Variants in TSC2 observed in about 807,000 individuals in gnomAD.
TSC2 encodes tuberin.
TSC2 carries 29 observed loss-of-function variants against 202.2 expected under a neutral mutation model. The ratio of observed to expected loss-of-function variants is 0.14; its 90% CI spans 0.11 to 0.20. The LOEUF is 0.20. TSC2 is among the 10% of genes least tolerant of loss of function. The pLI, the probability that TSC2 is intolerant of heterozygous loss-of-function variation, is 1.00. For missense variants in TSC2, 2,429 were observed against 2,420.0 expected (o/e 1.00, Z -0.08); for synonymous variants, 1,349 against 1,044.0 (o/e 1.29, Z -5.63).
At chr16:2,071,646 G>A (rs1596343110) in intron 18 of TSC2, 30 bp downstream of exon 18, 3 of 1,612,284 alleles carry the variant, frequency 1.9e-6, no homozygotes, top group Non-Finnish European at 1.7e-6. Flanking sequence ...CGGCCCATGA[G>A]GCTCAGGGCG....
intron 35 of TSC2, 64 bp downstream of exon 35, chr16:2,085,090 C>T: frequency 6.2e-7 from 1 of 1,606,170 alleles, no homozygotes; most frequent in Non-Finnish European, 8.5e-7. Context: ...TGGTGGGGGG[C>T]CCAGCTCTGC....
In TSC2 at chr16:2,056,682, C is replaced by T. The variant is rs1555498802; in HGVS notation, c.687C>T (p.Asn229=). The stretch of plus-strand genomic sequence containing the variant: ...TGCTGGACGCCGTGGTCTGCTACAA[C>T]TGCCTGCCGGCTGAGAGCCTCCCGC... ...LQVLDAVVCY[N]CLPAESLPLF... is the part of the protein sequence containing the mutation. The change falls in exon 8 of 42, where the codon AAC becomes AAT. Residue 229 remains asparagine, a synonymous_variant. Transcript: ENST00000219476. 1 of 1,612,514 alleles carries T rather than the reference C, an allele frequency of 6.2e-7. No individual in the cohort carries two copies. The highest frequency in any genetic ancestry group is 8.5e-7 in the Non-Finnish European group (1 of 1,180,032).
At chr16:2,070,733 A>G (rs2088186085) in intron 17 of TSC2, among the ~76,000 whole-genome samples, 155 bp downstream of exon 17, 1 of 152,282 alleles carries the variant, frequency 6.6e-6, no homozygotes, top group Admixed American at 6.5e-5. Context: ...CAGCCTCCCC[A>G]GTCCTGGTGT....
In TSC2 at chr16:2,083,826, G is replaced by A; in HGVS notation, c.4005+10G>A. On this transcript the variant is annotated intron_variant, in intron 33 of 41. Coordinates refer to ENST00000219476, the MANE Select transcript of TSC2 (RefSeq NM_000548.5). ...GGATGCCTACAGCAGGGTGAGTGTG[G>A]CTCAGAGCCTGGACCCTGCTGACCT... is the stretch of plus-strand genomic sequence containing the variant. 3 of 1,609,410 alleles carry A rather than the reference G, an allele frequency of 1.9e-6. No individual in the cohort carries two copies. Among genetic ancestry groups the A allele is most frequent in the Non-Finnish European group, 2.5e-6 (3 of 1,179,074 alleles).
At chr16:2,050,598 C>CAT (rs2084982580) in intron 3 of TSC2, 112 bp downstream of exon 3, 1 of 477,016 alleles carries the variant, frequency 2.1e-6, no homozygotes, top group Non-Finnish European at 3.6e-6. Flanking sequence ...CTGGTTTGCA[C>CAT]TTTTTTTTTT....
At chr16:2,050,598 C>A in intron 3 of TSC2, 112 bp downstream of exon 3, 156 of 476,972 alleles carry the variant, frequency 3.3e-4, no homozygotes, top group Non-Finnish European at 5.1e-4. Flanking sequence ...CTGGTTTGCA[C>A]TTTTTTTTTT....
intron 11 of TSC2, chr16:2,061,093 C>T (rs755506228): frequency 5.0e-5 from 24 of 480,030 alleles, no homozygotes; most frequent in Non-Finnish European, 8.8e-5. Context: ...ACCTGCAGGC[C>T]GCCTTCGTGG....
rs950019532 is a variant in TSC2, at chr16:2,077,548, C to T, written c.2838-50C>T. The T allele has an allele frequency of 5.0e-6, 8 of 1,610,822 alleles. No individual in the cohort carries two copies. In the African/African-American group the frequency reaches 9.3e-5, roughly 19 times the overall value. The stretch of plus-strand genomic sequence containing the variant: ...CCCTCCACTGGCTTGTTCTCCCCTT[C>T]CCGGGAGCTGGGCTCTCTGGGGCGT... On this transcript the variant is annotated intron_variant, in intron 25 of 41. Coordinates refer to ENST00000219476, the MANE Select transcript of TSC2 (RefSeq NM_000548.5).
chr16:2,070,538 A>G lies in TSC2; in HGVS notation c.1799A>G (p.His600Arg), dbSNP rs1413259742. 3.1e-6 allele frequency: 5 copies of G among 1,613,310 alleles called. No individual in the cohort carries two copies. Among genetic ancestry groups the G allele is most frequent in the Non-Finnish European group, 4.2e-6 (5 of 1,180,042 alleles). The part of the protein sequence containing the change: ...LVSHIQLHYK[H>R]SYTLPIASSI... ...AGCCACATTCAGCTCCACTACAAGC[A>G]CAGCTACACCCTGCCAATCGCGAGC... The change falls in exon 17 of 42, where the codon CAC becomes CGC. Residue 600 changes from histidine to arginine, a missense_variant. Coordinates refer to ENST00000219476, the MANE Select transcript of TSC2 (RefSeq NM_000548.5).
At chr16:2,066,854 G>C (rs988702368) in intron 16 of TSC2, among the ~76,000 whole-genome samples, 1 of 151,726 alleles carries the variant, frequency 6.6e-6, no homozygotes, top group Non-Finnish European at 1.5e-5. Flanking sequence ...TAGAAACTGG[G>C]TTTCACCATG....
At chr16:2,080,673 A>G (rs376795991) in intron 30 of TSC2, 26 of 400,806 alleles carry the variant, frequency 6.5e-5, no homozygotes, top group South Asian at 4.0e-4. Flanking sequence ...TCTAGTAGAG[A>G]TGGGGTTTCA....
Position 2,080,240 on chromosome 16 carries a change from C to T in TSC2, c.3473C>T (p.Pro1158Leu), listed in dbSNP as rs992338076. Residue 1158 changes from proline (P) to leucine (L), a missense_variant, in exon 30 of 42, where the codon CCA becomes CTA. Coordinates refer to ENST00000219476, the MANE Select transcript of TSC2 (RefSeq NM_000548.5). ...QFLGSATSPG[P>L]RTAPAAKPEK... ...CTGGGCAGTGCCACTTCTCCAGGAC[C>T]ACGGACTGCACCAGCCGCGAAACCT... The T allele has an allele frequency of 1.2e-6, 2 of 1,612,964 alleles. No individual in the cohort carries two copies. The highest frequency in any genetic ancestry group is 1.7e-6 in the Non-Finnish European group (2 of 1,180,022).
At position 2,048,667 on chromosome 16, in the gene TSC2, C is replaced by G. The variant is rs1596234078; in HGVS notation, c.52C>G (p.Leu18Val). Reference sequence around the variant, plus strand: ...AGGCTTGAAGGAGAAGTTTAAGATTCTGTTGGGACTGGGAACACCGAGGCC... The same window carrying G: ...AGGCTTGAAGGAGAAGTTTAAGATTGTGTTGGGACTGGGAACACCGAGGCC... Reference protein sequence around the residue: ...DSGLKEKFKILLGLGTPRPNP... With the variant: ...DSGLKEKFKIVLGLGTPRPNP... The change falls in exon 2 of 42, where the codon CTG (leucine) becomes GTG (valine). Residue 18 changes from leucine to valine, a missense_variant. Leu to Val is a conservative substitution (Grantham distance 32). Coordinates refer to ENST00000219476, the MANE Select transcript of TSC2 (RefSeq NM_000548.5). The G allele has an allele frequency of 6.2e-7, 1 of 1,613,976 alleles. No individual in the cohort carries two copies.
chr16:2,049,699 G>A (rs887491381), intron 2 of TSC2, among the ~76,000 whole-genome samples: 6 of 151,432 alleles, frequency 4.0e-5, no homozygotes, highest in African/African-American at 7.3e-5. Flanking sequence ...AGTGGTGGGC[G>A]CCTGTAATTC....
At chr16:2,075,724 C>A (rs1404040099) in intron 22 of TSC2, 75 bp from the exon 23 acceptor site, 1 of 1,510,726 alleles carries the variant, frequency 6.6e-7, no homozygotes, top group Admixed American at 1.7e-5. Context: ...CTGCCGTGGG[C>A]AGAGCAGCCG....
At position 2,079,003 on chromosome 16, in the gene TSC2, C is replaced by T. The variant is rs1250707659; in HGVS notation, c.2967-29C>T. On this transcript the variant is annotated intron_variant, in intron 26 of 41. Transcript: ENST00000219476. This position sits in a 1 kb window ranked among gnomAD's most constrained non-coding sequence, Gnocchi z 4.6. ...GGCTCGGCCCGCCCTACCTGGCACC[C>T]TGACCCTGGTCACGGCCTCTCCCTC... 1 of 1,611,452 alleles carries T rather than the reference C, an allele frequency of 6.2e-7. No individual in the cohort carries two copies.
intron 2 of TSC2, among the ~76,000 whole-genome samples, chr16:2,049,574 C>T (rs1176992576): frequency 6.6e-6 from 1 of 151,848 alleles, no homozygotes; most frequent in Non-Finnish European, 1.5e-5. Flanking sequence ...CCTGTCATCC[C>T]AGCACTTTGG....
rs137854268 is a variant in TSC2, at chr16:2,081,647, G to C, written c.3663G>C (p.Ser1221=). Residue 1221 remains serine (S), a synonymous_variant, in exon 31 of 42, where the codon TCG becomes TCC. Coordinates refer to ENST00000219476, the MANE Select transcript of TSC2 (RefSeq NM_000548.5). ...SLENPLSPFS[S]DINNMPLQEL... ...AGAACCCGCTCAGCCCTTTCTCCTC[G>C]GACATCAACAACATGCCCCTGCAGG... 1.9e-6 allele frequency: 3 copies of C among 1,612,942 alleles called. No homozygotes were observed. The highest frequency in any genetic ancestry group is 1.6e-4 in the Middle Eastern group (1 of 6,062).
rs370403197 is a variant in TSC2 at position 2,060,787 on chromosome 16, A to G, written c.1093A>G (p.Ile365Val). The change falls in exon 11 of 42, where the codon ATC (isoleucine) becomes GTC (valine). Residue 365 changes from isoleucine (I) to valine (V), a missense_variant. Ile to Val is a conservative substitution (Grantham distance 29, BLOSUM62 3). Coordinates refer to ENST00000219476, the MANE Select transcript of TSC2 (RefSeq NM_000548.5). ...VVAWDILLNI[I>V]ERLLQQLQTL... is the part of the protein sequence containing the mutation. ...GGCGTGGGACATTCTGCTGAACATC[A>G]TCGAACGGCTCCTTCAGCAGCTCCA... 9 of 1,613,616 alleles carry G rather than the reference A, an allele frequency of 5.6e-6. No individual in the cohort carries two copies. The African/African-American group carries it at 8.0e-5, about 14-fold the overall frequency.
Sources: gnomAD v4.1 joint callset for allele counts (sites outside exome capture counted in the v4.1 genomes callset) on GRCh38, gnomAD v4.1.1 for gene constraint, Gnocchi (gnomAD v3.1) non-coding constraint, MANE v1.5 for transcripts, NCBI Gene and HGNC (gene_info 2026-07-23, HGNC 2026-07-21) for gene names.